The following TRPM1 variants were observed in gnomAD, a reference collection of about 807,000 sequenced individuals.
TRPM1 encodes TRPM1-203 APA Isoform, Intron 10.
Under a neutral mutation model 149.4 loss-of-function variants are expected in TRPM1, and 113 were observed. The ratio of observed to expected loss-of-function variants is 0.76; its 90% CI spans 0.65 to 0.88. The LOEUF (loss-of-function observed/expected upper bound fraction) is 0.88, where lower values mean the gene tolerates loss of function less well. Among genes scored for constraint, TRPM1 ranks in the 40% least tolerant of loss-of-function variants. The probability of loss-of-function intolerance (pLI) is 0.00; values close to 1 mark genes in which losing one functional copy is unlikely to be tolerated. For missense variants in TRPM1, 1,976 were observed against 2,038.7 expected, an observed-to-expected ratio of 0.97 and a Z score of 0.59; for synonymous variants, 741 against 759.5, an observed-to-expected ratio of 0.98 and a Z score of 0.40.
At chr15:31,107,690 A>G (rs1161772939) in intron 1 of TRPM1, among the ~76,000 whole-genome samples, 2 of 152,006 alleles carry the variant, frequency 1.3e-5, no homozygotes, top group Non-Finnish European at 2.9e-5. Context: ...GGGTGTTTAC[A>G]GCTATAAATT....
chr15:31,133,745 T>C (rs2036052106), intron 1 of TRPM1, among the ~76,000 whole-genome samples: 1 of 151,416 alleles, frequency 6.6e-6, no homozygotes, highest in Admixed American at 6.6e-5. Flanking sequence ...CAATAGACAA[T>C]GGAGAGGCCC....
At chr15:31,052,093 T>C (rs4779810) in intron 11 of TRPM1, among the ~76,000 whole-genome samples, 113,459 of 152,154 alleles carry the variant, frequency 0.75, 42,491 homozygotes, top group East Asian at 0.95. Context: ...GGCCTATTAA[T>C]AGGACTCTGC....
intron 1 of TRPM1, among the ~76,000 whole-genome samples, chr15:31,146,714 C>T (rs1037848380): frequency 6.6e-5 from 10 of 152,192 alleles, no homozygotes; most frequent in Non-Finnish European, 1.0e-4. Context: ...AGGCCGGGTG[C>T]GGTGGCTCAC....
intron 1 of TRPM1, among the ~76,000 whole-genome samples, chr15:31,113,200 T>G (rs533968390): frequency 1.3e-5 from 2 of 152,124 alleles, no homozygotes; most frequent in Non-Finnish European, 2.9e-5. Context: ...AGCTGGTGAA[T>G]GGTAACTCAC....
intron 1 of TRPM1, among the ~76,000 whole-genome samples, chr15:31,098,426 TCA>T (rs1046617644): frequency 2.0e-5 from 3 of 152,048 alleles, no homozygotes; most frequent in Non-Finnish European, 4.4e-5. Context: ...CAAGACTCTG[TCA>T]CACACACACA....
chr15:31,005,677 G>T (rs2031964933), intron 27 of TRPM1, among the ~76,000 whole-genome samples: 1 of 152,142 alleles, frequency 6.6e-6, no homozygotes, highest in South Asian at 2.1e-4. Flanking sequence ...CCAAACGATG[G>T]GAAGTTGCAT....
rs551717619 is a variant in TRPM1 at position 31,115,707 on chromosome 15, C to G, written c.55-38723G>C. ...TCCAGCAGGGGATGGAGAAAAGTAA[C>G]CCTGTTGAGACACACCCAGAGCCCT... On this transcript the variant is annotated intron_variant, in intron 1 of 26. Coordinates refer to the TRPM1 transcript ENST00000542188. 3.3e-5 allele frequency among the ~76,000 whole-genome samples: 5 copies of G among 151,818 alleles called. No homozygotes were observed. In the East Asian group the frequency reaches 7.8e-4, roughly 24 times the overall value.
chr15:31,092,087 C>G (rs989548739), intron 1 of TRPM1, among the ~76,000 whole-genome samples: 1 of 86,138 alleles, frequency 1.2e-5, no homozygotes, highest in African/African-American at 4.7e-5. Context: ...GTTTTTCTCT[C>G]TGGACTGAGG....
chr15:31,063,728 C>T (rs2034297634), intron 7 of TRPM1, among the ~76,000 whole-genome samples: 2 of 152,198 alleles, frequency 1.3e-5, no homozygotes, highest in South Asian at 4.1e-4. Context: ...GCTAGGATTA[C>T]AGGTGTAAGC....
chr15:31,087,792 G>T (rs143314927), intron 1 of TRPM1, among the ~76,000 whole-genome samples: 1 of 152,130 alleles, frequency 6.6e-6, no homozygotes, highest in East Asian at 1.9e-4. Context: ...TGTGATGTGC[G>T]GTACCAAGAG....
At chr15:31,155,226 C>T (rs1007253910) in intron 1 of TRPM1, among the ~76,000 whole-genome samples, 1 of 152,110 alleles carries the variant, frequency 6.6e-6, no homozygotes, top group Admixed American at 6.5e-5. Context: ...CAAGCGTGGT[C>T]CTAGTGCTTC....
Position 31,076,909 on chromosome 15 carries a change from T to TA in TRPM1, c.78dup (p.Asn27Ter), listed in dbSNP as rs1567037636. On this transcript the variant is annotated frameshift_variant, in exon 3 of 28. Transcript: ENST00000256552. LOFTEE classifies it high-confidence loss of function. ...TAATCGTGGATTTCAATTTACCTGTTAGAGTCTTTCATGCTAGGAATTACA... is the reference window on the plus strand; with the variant it reads ...TAATCGTGGATTTCAATTTACCTGTTAAGAGTCTTTCATGCTAGGAATTACA... 6 of 1,601,636 alleles carry TA rather than the reference T, an allele frequency of 3.7e-6. No individual in the cohort carries two copies. Among genetic ancestry groups the TA allele is most frequent in the Non-Finnish European group, 4.3e-6 (5 of 1,168,862 alleles).
In TRPM1 at chr15:31,042,017, A is replaced by G. The variant is rs1487320396; in HGVS notation, c.2021T>C (p.Met674Thr). The G allele has an allele frequency of 4.3e-6, 7 of 1,614,046 alleles. No individual in the cohort carries two copies. The highest frequency in any genetic ancestry group is 5.9e-6 in the Non-Finnish European group (7 of 1,180,032). ...ATCACTCTCGGAGGACTCGTGGGCCATGGCCTTGTAGAGCTTGCAGGCCAC... is the reference window on the plus strand; with the variant it reads ...ATCACTCTCGGAGGACTCGTGGGCCGTGGCCTTGTAGAGCTTGCAGGCCAC... ...ALVACKLYKA[M>T]AHESSESDLV... Residue 674 changes from methionine to threonine, a missense_variant, in exon 17 of 28, where the codon ATG becomes ACG. Coordinates refer to ENST00000256552, the MANE Select transcript of TRPM1 (RefSeq NM_001252024.2).
chr15:31,089,077 A>T (rs114392246), intron 1 of TRPM1, among the ~76,000 whole-genome samples: 6 of 152,224 alleles, frequency 3.9e-5, no homozygotes, highest in Non-Finnish European at 1.5e-5. Context: ...ATTTAATGCC[A>T]TATTTTTAAA....
chr15:31,127,776 CTG>C (rs2035969706), intron 1 of TRPM1, among the ~76,000 whole-genome samples: 1 of 152,114 alleles, frequency 6.6e-6, no homozygotes, highest in Non-Finnish European at 1.5e-5. Context: ...CCAGCAGTGA[CTG>C]TGAAACGAGG....
chr15:31,128,657 C>T (rs1399003401), intron 1 of TRPM1, among the ~76,000 whole-genome samples: 1 of 152,192 alleles, frequency 6.6e-6, no homozygotes, highest in African/African-American at 2.4e-5. Context: ...CGGGCATAGG[C>T]AGACATGCAG....
At chr15:31,046,120 G>A (rs1416702519) in intron 16 of TRPM1, 84 bp downstream of exon 16, 19 of 1,374,272 alleles carry the variant, frequency 1.4e-5, no homozygotes, top group African/African-American at 2.9e-5. Flanking sequence ...GAGTAGTATC[G>A]TATATTCGCA....
intron 7 of TRPM1, chr15:31,065,291 C>CA (rs2034340818): frequency 2.7e-6 from 1 of 374,958 alleles, no homozygotes; most frequent in African/African-American, 2.1e-5. Context: ...ACCCACTCTG[C>CA]AGCATCACAG....
chr15:31,113,069 T>C (rs1030165762), intron 1 of TRPM1, among the ~76,000 whole-genome samples: 2 of 152,186 alleles, frequency 1.3e-5, no homozygotes, highest in Non-Finnish European at 2.9e-5. Context: ...CTGGAGCAGG[T>C]TCCTGACAGT....
Sources: gnomAD v4.1 joint callset for allele counts (sites outside exome capture counted in the v4.1 genomes callset) on GRCh38, gnomAD v4.1.1 for gene constraint, MANE v1.5 for transcripts, NCBI Gene and HGNC (gene_info 2026-07-23, HGNC 2026-07-21) for gene names.